Variants in HK3 observed in about 807,000 individuals in gnomAD.
HK3 encodes hexokinase 3.
HK3 carries 93 observed loss-of-function variants against 91.0 expected under a neutral mutation model. That is an observed-to-expected ratio of 1.02 (90% CI 0.86 to 1.21). The LOEUF (loss-of-function observed/expected upper bound fraction) is 1.21, where lower values mean the gene tolerates loss of function less well. Ranked by LOEUF, HK3 falls within the 50% of genes most tolerant of loss-of-function variation. HK3 has a pLI of 0.00. For synonymous variants in HK3, 519 were observed against 516.9 expected (o/e 1.00, Z -0.06); for missense variants, 1,235 against 1,247.4 (o/e 0.99, Z 0.15).
In HK3 at chr5:176,881,758, C is replaced by G. The variant is rs762344159; in HGVS notation, c.2327G>C (p.Gly776Ala). ...HLTSLGVLFR[G>A]QQIQRLQTRD... ...GGTCTGAAGGCGCTGGATCTGCTGG[C>G]CCCGGAAGAGAACGCCAAGGCTGGT... Residue 776 changes from glycine to alanine, a missense_variant, in exon 17 of 19, where the codon GGC (glycine) becomes GCC (alanine). Around this residue, in one of 3 missense-constraint regions of HK3, gnomAD observed 513 missense variants for 477.4 expected, o/e 1.07. Coordinates refer to ENST00000292432, the MANE Select transcript of HK3 (RefSeq NM_002115.3). The G allele has an allele frequency of 6.2e-7, 1 of 1,614,046 alleles. No homozygotes were observed. The highest frequency in any genetic ancestry group is 1.7e-5 in the Admixed American group (1 of 60,006).
At position 176,882,107 on chromosome 5, in the gene HK3, A is replaced by AGT; in HGVS notation, c.2073_2074insAC (p.Tyr692ThrfsTer60). On this transcript the variant is annotated frameshift_variant, in exon 16 of 19. Transcript: ENST00000292432. LOFTEE classifies it high-confidence loss of function. ...GCCACATTCCGGAGCTCCTCCATGT[A>AGT]GCAGGCATTGGTGCCGGTTCCTGCA... 1 of 1,613,126 alleles carries AGT rather than the reference A, an allele frequency of 6.2e-7. No homozygotes were observed. The highest frequency in any genetic ancestry group is 8.5e-7 in the Non-Finnish European group (1 of 1,180,020).
rs372156267 is a variant in HK3 at position 176,882,071 on chromosome 5, C to T, written c.2110G>A (p.Gly704Arg). The T allele has an allele frequency of 3.7e-6, 6 of 1,612,770 alleles. No homozygotes were observed. In the African/African-American group the frequency reaches 8.0e-5, roughly 22 times the overall value. The change falls in exon 16 of 19, where the codon GGG (glycine) becomes AGG (arginine). Residue 704 changes from glycine (G) to arginine (R), a missense_variant. Coordinates refer to ENST00000292432, the MANE Select transcript of HK3 (RefSeq NM_002115.3). Reference sequence around the variant, plus strand: ...TTGATGCACATGCGGCCTGAGTCCCCAGGCACGCCCGCCACATTCCGGAGC... The same window carrying T: ...TTGATGCACATGCGGCCTGAGTCCCTAGGCACGCCCGCCACATTCCGGAGC... ...EELRNVAGVPGDSGRMCINME... is the reference protein window; with the variant it reads ...EELRNVAGVPRDSGRMCINME...
At chr5:176,895,735 G>C (rs1415302511) in intron 2 of HK3, among the ~76,000 whole-genome samples, 1 of 152,202 alleles carries the variant, frequency 6.6e-6, no homozygotes, top group African/African-American at 2.4e-5. Flanking sequence ...ACTCTAGACT[G>C]TGTCACCCAC....
chr5:176,887,637 C>T lies in HK3; in HGVS notation c.1414G>A (p.Val472Met), dbSNP rs184900635. 317 of 1,613,614 alleles carry T rather than the reference C, an allele frequency of 2.0e-4. No homozygotes were observed. Among genetic ancestry groups the T allele is most frequent in the East Asian group, 9.4e-4 (42 of 44,880 alleles). ...CGGTGGGCAGCCAGACGGGCAGCCA[C>T]GGCAGTCACCATCGCCACTCCCCGG... ...GGRGVAMVTA[V>M]AARLAAHRRL... Residue 472 changes from valine to methionine, a missense_variant, in exon 11 of 19, where the codon GTG becomes ATG. Transcript: ENST00000292432. This position sits in a 1 kb window ranked among gnomAD's most constrained non-coding sequence, Gnocchi z 4.9.
chr5:176,898,033 C>T (rs144838369), intron 1 of HK3, among the ~76,000 whole-genome samples: 2 of 152,298 alleles, frequency 1.3e-5, no homozygotes, highest in Non-Finnish European at 2.9e-5. Context: ...GGGCTGCCTG[C>T]GCGCATCCCT....
At chr5:176,895,331 C>A (rs1182458630) in intron 2 of HK3, among the ~76,000 whole-genome samples, 1 of 152,136 alleles carries the variant, frequency 6.6e-6, no homozygotes, top group Non-Finnish European at 1.5e-5. Flanking sequence ...CCTGCCTCGG[C>A]CTCCCAAAGT....
chr5:176,886,835 G>C (rs937985746), intron 13 of HK3, among the ~76,000 whole-genome samples, 167 bp downstream of exon 13: 1 of 152,062 alleles, frequency 6.6e-6, no homozygotes, highest in African/African-American at 2.4e-5. Context: ...GGCCTACCCT[G>C]TCTGGGGAAA....
At chr5:176,888,895 C>G in intron 8 of HK3, 31 bp from the exon 9 acceptor site, 3 of 1,604,236 alleles carry the variant, frequency 1.9e-6, no homozygotes, top group Non-Finnish European at 2.6e-6. Flanking sequence ...TGGAGGAAGC[C>G]TTTTCTAAGC....
intron 7 of HK3, 30 bp downstream of exon 7, chr5:176,889,615 A>T: frequency 1.9e-6 from 3 of 1,613,852 alleles, no homozygotes; most frequent in Non-Finnish European, 2.5e-6. Context: ...CACACCCTCC[A>T]CCTGTCATCA....
At chr5:176,881,667 G>A (rs1326359738) in intron 17 of HK3, 25 bp downstream of exon 17, 3 of 1,613,066 alleles carry the variant, frequency 1.9e-6, no homozygotes, top group Admixed American at 3.3e-5. Context: ...CCTGAAGTGG[G>A]GGAGGCAATG....
At chr5:176,885,429 A>AT (rs939005169) in intron 13 of HK3, among the ~76,000 whole-genome samples, 16 of 149,676 alleles carry the variant, frequency 1.1e-4, no homozygotes, top group African/African-American at 2.7e-4. Context: ...TGGGCCCAAC[A>AT]TTTTTTTTTT....
intron 15 of HK3, among the ~76,000 whole-genome samples, chr5:176,882,621 C>T (rs879448880): frequency 2.0e-5 from 3 of 152,178 alleles, no homozygotes; most frequent in Non-Finnish European, 4.4e-5. Flanking sequence ...GCCTCTGTGC[C>T]CCCGTGGAAG....
chr5:176,888,181 C>G, intron 10 of HK3, 151 bp downstream of exon 10: 1 of 680,150 alleles, frequency 1.5e-6, no homozygotes, highest in Non-Finnish European at 2.6e-6. Flanking sequence ...TGGATGTCTT[C>G]TGGCCTCCCA....
Position 176,881,764 on chromosome 5 carries a change from A to C in HK3, c.2321T>G (p.Phe774Cys), listed in dbSNP as rs1758437447. 1.9e-6 allele frequency: 3 copies of C among 1,614,136 alleles called. No homozygotes were observed. The highest frequency in any genetic ancestry group is 1.3e-5 in the African/African-American group (1 of 75,034). ...AAGGCGCTGGATCTGCTGGCCCCGG[A>C]AGAGAACGCCAAGGCTGGTTAAATG... is the stretch of plus-strand genomic sequence containing the variant. ...LLHLTSLGVLFRGQQIQRLQT... is the reference protein window; with the variant it reads ...LLHLTSLGVLCRGQQIQRLQT... The change falls in exon 17 of 19, where the codon TTC (phenylalanine) becomes TGC (cysteine). Residue 774 changes from phenylalanine to cysteine, a missense_variant. By Grantham distance (205) the Phe-to-Cys change is radical. Transcript: ENST00000292432.
chr5:176,887,497 G>A lies in HK3; in HGVS notation c.1554C>T (p.Ser518=), dbSNP rs769030468. The change falls in exon 11 of 19, where the codon TCC becomes TCT. Residue 518 remains serine (S), a synonymous_variant. Coordinates refer to ENST00000292432, the MANE Select transcript of HK3 (RefSeq NM_002115.3). This position sits in a 1 kb window ranked among gnomAD's most constrained non-coding sequence, Gnocchi z 4.9. ...MAKGLRGEAS[S]LRMLPTFVRA... is the part of the protein sequence containing the mutation. ...GGACGAAAGTGGGCAGCATGCGAAG[G>A]GAGGAGGCCTCCCCTCGGAGCCCCT... 7.4e-6 allele frequency: 12 copies of A among 1,613,658 alleles called. No homozygotes were observed. The South Asian group carries it at 1.3e-4, about 18-fold the overall frequency.
At chr5:176,890,512 T>TAAACTGGATGGAGGAC (rs1262947403) in intron 6 of HK3, 123 bp downstream of exon 6, 1 of 813,604 alleles carries the variant, frequency 1.2e-6, no homozygotes, top group African/African-American at 1.7e-5. Context: ...GGATGGAGGT[T>TAAACTGGATGGAGGAC]AAACTGGATG....
At position 176,887,160 on chromosome 5, in the gene HK3, C is replaced by T. The variant is rs563435955; in HGVS notation, c.1738-39G>A. On this transcript the variant is annotated intron_variant, in intron 12 of 18. Coordinates refer to ENST00000292432, the MANE Select transcript of HK3 (RefSeq NM_002115.3). The surrounding 1 kb of genome is among the most constrained non-coding windows in gnomAD (Gnocchi z 4.9). Reference sequence around the variant, plus strand: ...CAGGTCAGGCGTAGGCACTGCTCAGCCCTTCCCCACCTCTGACATCAAGGT... The same window carrying T: ...CAGGTCAGGCGTAGGCACTGCTCAGTCCTTCCCCACCTCTGACATCAAGGT... The T allele has an allele frequency of 1.9e-6, 3 of 1,614,220 alleles. No homozygotes were observed. The Admixed American group carries it at 5.0e-5, about 27-fold the overall frequency.
At position 176,891,455 on chromosome 5, in the gene HK3, T is replaced by C; in HGVS notation, c.192A>G (p.Gly64=). Residue 64 remains glycine, a synonymous_variant, in exon 3 of 19, where the codon GGA becomes GGG. Transcript: ENST00000292432. ...LLGSMEQALR[G]QASPAPAVRM... Reference sequence around the variant, plus strand: ...GGACCGCAGGGGCAGGGCTGGCCTGTCCCCTCAGCGCCTGCTCCATGGAAC... The same window carrying C: ...GGACCGCAGGGGCAGGGCTGGCCTGCCCCCTCAGCGCCTGCTCCATGGAAC... 6.2e-7 allele frequency: 1 copy of C among 1,614,122 alleles called. No individual in the cohort carries two copies. The highest frequency in any genetic ancestry group is 1.3e-5 in the African/African-American group (1 of 75,062).
chr5:176,882,908 G>A lies in HK3; in HGVS notation c.2054-781C>T, dbSNP rs762963257. ...GCATGCCTCTCCCAAGTGCCTAACC[G>A]TGCCAGGTGCTGGGTTCAAAAACCT... On this transcript the variant is annotated intron_variant, in intron 15 of 18. Coordinates refer to ENST00000292432, the MANE Select transcript of HK3 (RefSeq NM_002115.3). Among the ~76,000 whole-genome samples the A allele has an allele frequency of 3.8e-4, 58 of 152,218 alleles. 1 individual carries two copies. Among genetic ancestry groups the A allele is most frequent in the Non-Finnish European group, 6.8e-4 (46 of 68,008 alleles).
Sources: gnomAD v4.1 joint callset for allele counts (sites outside exome capture counted in the v4.1 genomes callset) on GRCh38, gnomAD v4.1.1 for gene constraint, gnomAD v4.1.1 regional missense constraint, Gnocchi (gnomAD v3.1) non-coding constraint, MANE v1.5 for transcripts, NCBI Gene and HGNC (gene_info 2026-07-23, HGNC 2026-07-21) for gene names.